The following HERC3 variants were observed in gnomAD, a reference collection of about 807,000 sequenced individuals.
HERC3 encodes HECT and RLD domain containing E3 ubiquitin protein ligase 3.
A neutral mutation model predicts 129.9 loss-of-function variants in HERC3; 58 were observed. That is an observed-to-expected ratio of 0.45 (90% CI 0.36 to 0.56). The LOEUF is 0.56. HERC3 is among the 20% of genes least tolerant of loss of function. HERC3 has a pLI of 0.00. For synonymous variants in HERC3, 430 were observed against 451.0 expected (o/e 0.95, Z 0.59); for missense variants, 835 against 1,244.2 (o/e 0.67, Z 4.95).
intron 23 of HERC3, among the ~76,000 whole-genome samples, chr4:88,689,282 A>G (rs1214874820): frequency 2.0e-5 from 3 of 151,764 alleles, no homozygotes; most frequent in Non-Finnish European, 4.4e-5. Flanking sequence ...AGGTGGGTGA[A>G]TTGCTTGAGC....
chr4:88,667,283 AT>A, intron 12 of HERC3, 93 bp from the exon 13 acceptor site: 2 of 553,546 alleles, frequency 3.6e-6, no homozygotes, highest in Non-Finnish European at 6.2e-6. Context: ...TTTAAATCTG[AT>A]TACTAAGAAC....
chr4:88,564,612 CTGTT>C, the HERC3 span, among the ~76,000 whole-genome samples: 1 of 152,052 alleles, frequency 6.6e-6, no homozygotes, highest in Non-Finnish European at 1.5e-5. Context: ...CTAATTTTAT[CTGTT>C]TGAGTTTTCT....
intron 23 of HERC3, chr4:88,697,955 C>A: frequency 1.5e-6 from 1 of 664,606 alleles, no homozygotes; most frequent in Non-Finnish European, 2.6e-6. Flanking sequence ...TCATACTGCA[C>A]CAGATTCCTC....
At chr4:88,623,233 A>G (rs1315489687) in intron 3 of HERC3, among the ~76,000 whole-genome samples, 1 of 152,180 alleles carries the variant, frequency 6.6e-6, no homozygotes, top group East Asian at 1.9e-4. Flanking sequence ...GTTTGTTCAG[A>G]AAAAGTTTCG....
In HERC3 at chr4:88,677,527, C is replaced by G. The variant is rs1732298959; in HGVS notation, c.2026-437C>G. 5.3e-5 allele frequency among the ~76,000 whole-genome samples: 8 copies of G among 151,992 alleles called. 1 individual carries two copies. In the South Asian group the frequency reaches 1.7e-3, roughly 32 times the overall value. ...TATATATATGTTTGTTTTCATGTTG[C>G]TATATCTGTGATATTGACAGTTTAG... On this transcript the variant is annotated intron_variant, in intron 18 of 25. Coordinates refer to ENST00000402738, the MANE Select transcript of HERC3 (RefSeq NM_014606.3).
intron 9 of HERC3, among the ~76,000 whole-genome samples, chr4:88,657,780 C>T (rs73841611): frequency 0.047 from 7,088 of 151,256 alleles, 213 homozygotes; most frequent in Middle Eastern, 0.12. Context: ...TGGAGTTAGC[C>T]AGGTGTAGAG....
At chr4:88,696,330 A>C (rs1343862199) in intron 23 of HERC3, 1 of 152,684 alleles carries the variant, frequency 6.5e-6, no homozygotes, top group Admixed American at 6.5e-5. Flanking sequence ...CACAAGGCGC[A>C]AAGTACATAA....
chr4:88,590,033 C>T (rs545400663), upstream of HERC3, among the ~76,000 whole-genome samples: 3 of 152,066 alleles, frequency 2.0e-5, no homozygotes, highest in East Asian at 1.9e-4. Flanking sequence ...TTTGGGAGGC[C>T]GAGGTGGGCA....
chr4:88,700,089 GC>G (rs936786309), intron 23 of HERC3, among the ~76,000 whole-genome samples: 7 of 133,850 alleles, frequency 5.2e-5, no homozygotes, highest in African/African-American at 2.5e-4. Context: ...TTTGAGCCTG[GC>G]TTTTTTTTTT....
the HERC3 span, among the ~76,000 whole-genome samples, chr4:88,568,309 G>C: frequency 2.0e-5 from 3 of 152,246 alleles, no homozygotes; most frequent in East Asian, 5.8e-4. Context: ...AAGGCCCAAG[G>C]GCTCTTCAGT....
chr4:88,655,346 G>T (rs1729767159), intron 8 of HERC3, 42 bp downstream of exon 8: 1 of 1,608,098 alleles, frequency 6.2e-7, no homozygotes, highest in South Asian at 1.1e-5. Context: ...CTAGGACCCA[G>T]AAATTGGTCT....
Position 88,669,993 on chromosome 4 carries a change from A to G in HERC3, c.1767A>G (p.Ala589=), listed in dbSNP as rs1185690897. The change falls in exon 15 of 26, where the codon GCA becomes GCG. Residue 589 remains alanine (A), a synonymous_variant. Transcript: ENST00000402738. The part of the protein sequence containing the change: ...IPVLFNNYIT[A]ALKLLEKLYK... ...TACTGTTTAACAATTATATCACAGC[A>G]GCTCTCAAACTCTTGGAGAAGTTAT... is the stretch of plus-strand genomic sequence containing the variant. 7 of 1,613,980 alleles carry G rather than the reference A, an allele frequency of 4.3e-6. No homozygotes were observed. The highest frequency in any genetic ancestry group is 1.7e-5 in the Admixed American group (1 of 60,010).
intron 12 of HERC3, among the ~76,000 whole-genome samples, chr4:88,664,491 T>C (rs1730838042): frequency 6.6e-6 from 1 of 152,204 alleles, no homozygotes; most frequent in African/African-American, 2.4e-5. Context: ...CTTAATTTAA[T>C]GAGTAAGCTG....
At chr4:88,564,065 G>A in the HERC3 span, among the ~76,000 whole-genome samples, 2 of 152,172 alleles carry the variant, frequency 1.3e-5, no homozygotes, top group Non-Finnish European at 2.9e-5. Flanking sequence ...TTTTGTCCTT[G>A]ATTCTGTTGA....
the HERC3 span, among the ~76,000 whole-genome samples, chr4:88,534,711 C>T: frequency 6.6e-6 from 1 of 152,168 alleles, no homozygotes; most frequent in Non-Finnish European, 1.5e-5. Flanking sequence ...AGCAAGTTTA[C>T]AGCTTTGAAA....
chr4:88,531,231 ATTG>A, the HERC3 span, among the ~76,000 whole-genome samples: 2 of 151,668 alleles, frequency 1.3e-5, no homozygotes, highest in African/African-American at 2.4e-5. Flanking sequence ...TTTAAATTAA[ATTG>A]TTGTTGTGCT....
chr4:88,588,496 A>T (rs1721585071), upstream of HERC3, among the ~76,000 whole-genome samples: 1 of 152,214 alleles, frequency 6.6e-6, no homozygotes, highest in Non-Finnish European at 1.5e-5. Flanking sequence ...TCATTACATA[A>T]CCATACAAGG....
the HERC3 span, among the ~76,000 whole-genome samples, chr4:88,532,906 G>A: frequency 6.6e-6 from 1 of 152,170 alleles, no homozygotes; most frequent in African/African-American, 2.4e-5. Flanking sequence ...GTTCTCTAGA[G>A]GGACAGAACT....
chr4:88,558,609 T>C, the HERC3 span, among the ~76,000 whole-genome samples: 2 of 151,994 alleles, frequency 1.3e-5, no homozygotes, highest in African/African-American at 4.8e-5. Context: ...AAAGAACTTA[T>C]CCAAGTAACC....
Sources: gnomAD v4.1 joint callset for allele counts (sites outside exome capture counted in the v4.1 genomes callset) on GRCh38, gnomAD v4.1.1 for gene constraint, MANE v1.5 for transcripts, NCBI Gene and HGNC (gene_info 2026-07-23, HGNC 2026-07-21) for gene names.